Variants in CCL28 observed in about 807,000 individuals in gnomAD.
The protein encoded by CCL28 is C-C motif chemokine ligand 28.
A neutral mutation model predicts 7.1 loss-of-function variants in CCL28; 4 were observed. The observed-to-expected ratio is 0.56, with a 90% CI of 0.28 to 1.29. CCL28 has a LOEUF of 1.29. Ranked by LOEUF, CCL28 falls within the 50% of genes most tolerant of loss-of-function variation. The probability of loss-of-function intolerance (pLI) is 0.11; values close to 1 mark genes in which losing one functional copy is unlikely to be tolerated. For synonymous variants in CCL28, 55 were observed against 57.8 expected (o/e 0.95, Z 0.22); for missense variants, 151 against 163.4 (o/e 0.92, Z 0.41).
At chr5:43,407,122 A>G (rs1741315372) in intron 1 of CCL28, among the ~76,000 whole-genome samples, 1 of 152,220 alleles carries the variant, frequency 6.6e-6, no homozygotes, top group Non-Finnish European at 1.5e-5. Flanking sequence ...GACTTTCTTC[A>G]CAGAATTGGA....
intron 1 of CCL28, among the ~76,000 whole-genome samples, chr5:43,400,843 G>A (rs1740997153): frequency 6.6e-6 from 1 of 152,166 alleles, no homozygotes; most frequent in Admixed American, 6.5e-5. Flanking sequence ...CCAGCACTTT[G>A]GGAGGCCGAG....
At chr5:43,363,430 A>C in the CCL28 span, among the ~76,000 whole-genome samples, 1 of 152,122 alleles carries the variant, frequency 6.6e-6, no homozygotes, top group African/African-American at 2.4e-5. Flanking sequence ...CACACAACCA[A>C]CTTCATTTAC....
chr5:43,385,782 G>A (rs1740311747), intron 2 of CCL28, among the ~76,000 whole-genome samples: 1 of 152,128 alleles, frequency 6.6e-6, no homozygotes, highest in Admixed American at 6.5e-5. Flanking sequence ...CCAACTGATT[G>A]GCTTCCTAGT....
At chr5:43,396,223 T>C (rs948127494) in intron 1 of CCL28, among the ~76,000 whole-genome samples, 3 of 152,146 alleles carry the variant, frequency 2.0e-5, no homozygotes, top group Admixed American at 2.0e-4. Flanking sequence ...TGCCATGGCA[T>C]TTGTAAACTG....
downstream of CCL28, among the ~76,000 whole-genome samples, chr5:43,373,272 GT>G (rs1367589319): frequency 5.9e-5 from 9 of 152,032 alleles, no homozygotes; most frequent in Non-Finnish European, 1.2e-4. Flanking sequence ...AAAAGTTCCA[GT>G]TGCTCCACAT....
At chr5:43,369,036 AAGAGAGAGAG>A in the CCL28 span, among the ~76,000 whole-genome samples, 2,621 of 104,450 alleles carry the variant, frequency 0.025, 103 homozygotes, top group East Asian at 0.19. Flanking sequence ...GAAAGAGAGA[AAGAGAGAGAG>A]AGAGAGAGAG....
chr5:43,403,385 T>C (rs1262520477), intron 1 of CCL28, among the ~76,000 whole-genome samples: 2 of 152,208 alleles, frequency 1.3e-5, no homozygotes, highest in Non-Finnish European at 2.9e-5. Context: ...CCGCTGGTGA[T>C]ATCCAGGCAA....
At chr5:43,388,546 A>C in intron 1 of CCL28, 70 bp from the exon 2 acceptor site, 1 of 1,468,810 alleles carries the variant, frequency 6.8e-7, no homozygotes, top group African/African-American at 1.4e-5. Context: ...TCTCATTTTA[A>C]AGATTTCAGA....
chr5:43,412,174 C>T, intron 1 of CCL28, 79 bp downstream of exon 1: 1 of 1,087,592 alleles, frequency 9.2e-7, no homozygotes. Context: ...ATTCTTGCCC[C>T]ACCTCAATCC....
chr5:43,394,481 G>T (rs1740718187), intron 1 of CCL28, among the ~76,000 whole-genome samples: 1 of 152,130 alleles, frequency 6.6e-6, no homozygotes, highest in Non-Finnish European at 1.5e-5. Flanking sequence ...GGTCCTCCAA[G>T]ATCTTTATGA....
intron 2 of CCL28, among the ~76,000 whole-genome samples, chr5:43,385,290 G>A (rs964154561): frequency 3.9e-5 from 6 of 152,186 alleles, no homozygotes; most frequent in African/African-American, 1.4e-4. Context: ...GAAAACTGCT[G>A]TCTCAGGCAT....
At chr5:43,408,024 A>T (rs1428760938) in intron 1 of CCL28, among the ~76,000 whole-genome samples, 1 of 152,186 alleles carries the variant, frequency 6.6e-6, no homozygotes, top group Non-Finnish European at 1.5e-5. Context: ...AAATAGGAAC[A>T]CTTTTACACT....
chr5:43,409,443 CA>C (rs1741446499), intron 1 of CCL28, among the ~76,000 whole-genome samples: 1 of 151,832 alleles, frequency 6.6e-6, no homozygotes, highest in Non-Finnish European at 1.5e-5. Flanking sequence ...AACAAACAAA[CA>C]AAAAATTAGC....
chr5:43,394,676 T>C (rs7701642), intron 1 of CCL28, among the ~76,000 whole-genome samples: 3 of 151,894 alleles, frequency 2.0e-5, no homozygotes, highest in African/African-American at 7.3e-5. Context: ...TTTTTTATTT[T>C]TAATAGTTTG....
intron 1 of CCL28, among the ~76,000 whole-genome samples, chr5:43,406,491 C>T (rs548231615): frequency 3.9e-5 from 6 of 152,226 alleles, no homozygotes; most frequent in Non-Finnish European, 8.8e-5. Context: ...ATTGATGGGA[C>T]GTATCTCCAA....
At chr5:43,404,906 CAAAG>C (rs1039154240) in intron 1 of CCL28, among the ~76,000 whole-genome samples, 3 of 152,110 alleles carry the variant, frequency 2.0e-5, no homozygotes, top group Non-Finnish European at 4.4e-5. Flanking sequence ...TCAAAAGAGA[CAAAG>C]AAGGCCATTA....
downstream of CCL28, among the ~76,000 whole-genome samples, chr5:43,375,102 G>C (rs1051447682): frequency 2.0e-5 from 3 of 151,802 alleles, no homozygotes; most frequent in African/African-American, 7.3e-5. Flanking sequence ...CAATTCTCCT[G>C]CCTCAGCCTC....
intron 1 of CCL28, among the ~76,000 whole-genome samples, chr5:43,400,650 A>AC (rs1314720775): frequency 2.6e-5 from 4 of 152,230 alleles, no homozygotes; most frequent in African/African-American, 9.6e-5. Flanking sequence ...AGGCACTGGT[A>AC]CTATATATAG....
At chr5:43,403,825 G>A (rs775721986) in intron 1 of CCL28, among the ~76,000 whole-genome samples, 1 of 152,184 alleles carries the variant, frequency 6.6e-6, no homozygotes, top group Non-Finnish European at 1.5e-5. Flanking sequence ...AGGACCTGAT[G>A]GAGCTGAAAA....
Sources: gnomAD v4.1 joint callset for allele counts (sites outside exome capture counted in the v4.1 genomes callset) on GRCh38, gnomAD v4.1.1 for gene constraint, MANE v1.5 for transcripts, NCBI Gene and HGNC (gene_info 2026-07-23, HGNC 2026-07-21) for gene names.